Variants in NEDD1 observed in about 807,000 individuals in gnomAD.
The protein encoded by NEDD1 is NEDD1 gamma-tubulin ring complex targeting factor.
Under a neutral mutation model 74.0 loss-of-function variants are expected in NEDD1, and 33 were observed. That is an observed-to-expected ratio of 0.45 (90% confidence interval 0.34 to 0.60). The LOEUF (loss-of-function observed/expected upper bound fraction) is 0.60. Among genes scored for constraint, NEDD1 ranks in the 20% least tolerant of loss-of-function variants. The pLI, the probability that NEDD1 is intolerant of heterozygous loss-of-function variation, is 0.01. For missense variants in NEDD1, 746 were observed against 776.5 expected (o/e 0.96, Z 0.47); for synonymous variants, 250 against 264.4 (o/e 0.95, Z 0.53).
At chr12:96,923,347 TAC>T (rs1231584090) in intron 6 of NEDD1, among the ~76,000 whole-genome samples, 7 of 140,014 alleles carry the variant, frequency 5.0e-5, no homozygotes, top group South Asian at 2.2e-4. Flanking sequence ...TTTTTTAAGA[TAC>T]ATGTTTTTAT....
At position 96,940,471 on chromosome 12, in the gene NEDD1, G is replaced by A. The variant is rs760875905; in HGVS notation, c.1180G>A (p.Asp394Asn). The change falls in exon 10 of 16, where the codon GAT (aspartate) becomes AAT (asparagine). Residue 394 changes from aspartate to asparagine, a missense_variant. Physicochemically the swap from Asp to Asn is conservative, Grantham distance 23. This residue lies in a region of NEDD1 where 706 missense variants were observed against 706.7 expected (regional missense o/e 1.00). Transcript: ENST00000266742. ...GGAAACAGACAGTGGAAAAAATCAG[G>A]ATTTCTCCAGCTTTGATGATACTGG... Reference protein sequence around the residue: ...SKETDSGKNQDFSSFDDTGKS... With the variant: ...SKETDSGKNQNFSSFDDTGKS... 1.9e-6 allele frequency: 3 copies of A among 1,604,436 alleles called. No individual in the cohort carries two copies. Among genetic ancestry groups the A allele is most frequent in the Admixed American group, 1.7e-5 (1 of 59,796 alleles).
intron 9 of NEDD1, among the ~76,000 whole-genome samples, chr12:96,937,841 G>A (rs182232139): frequency 1.3e-5 from 2 of 152,160 alleles, no homozygotes; most frequent in East Asian, 3.9e-4. Flanking sequence ...TGGCGAAACA[G>A]TTCTGAAACA....
At position 96,937,220 on chromosome 12, in the gene NEDD1, C is replaced by T. The variant is rs1177295617; in HGVS notation, c.944C>T (p.Ser315Leu). ...CAGTCAAGTTTAAATAAAGGCTGTT[C>T]AAATAAGCCCACAACAGTGAACAAA... ...LTKSSLNKGC[S>L]NKPTTVNKRS... Residue 315 changes from serine to leucine, a missense_variant, in exon 9 of 16, where the codon TCA becomes TTA. Around this residue, in one of 3 missense-constraint regions of NEDD1, gnomAD observed 706 missense variants for 706.7 expected, o/e 1.00. Transcript: ENST00000266742. 6.2e-7 allele frequency: 1 copy of T among 1,600,360 alleles called. No homozygotes were observed. Among genetic ancestry groups the T allele is most frequent in the South Asian group, 1.1e-5 (1 of 89,124 alleles).
chr12:96,953,597 T>C lies in NEDD1; in HGVS notation c.*1544T>C, dbSNP rs1376743647. 6.6e-6 allele frequency: 1 copy of C among 151,800 alleles called. No individual in the cohort carries two copies. Among genetic ancestry groups the C allele is most frequent in the Non-Finnish European group, 1.5e-5 (1 of 67,794 alleles). The allele number at this position is 151,800 out of a possible 1,614,324, so 9.4% of individuals were successfully genotyped here. A position where few individuals can be genotyped will look rare whatever the true frequency, so the allele number is the denominator to read the frequency against. Reference sequence around the variant, plus strand: ...GTATATTAAAAGAGGTGGGATGAAATAATTTTAGTAATTATGTGTACAGAT... The same window carrying C: ...GTATATTAAAAGAGGTGGGATGAAACAATTTTAGTAATTATGTGTACAGAT... On this transcript the variant is annotated 3_prime_UTR_variant, in exon 16 of 16. Transcript: ENST00000266742.
intron 3 of NEDD1, among the ~76,000 whole-genome samples, chr12:96,911,267 G>GGT (rs1873891202): frequency 6.6e-6 from 1 of 151,840 alleles, no homozygotes; most frequent in Admixed American, 6.6e-5. Context: ...ATTATTTTTT[G>GGT]GTTGACTTTT....
Position 96,937,378 on chromosome 12 carries a change from G to A in NEDD1, c.1102G>A (p.Val368Ile). ...TSAMGKGTVA[V>I]QEKAGLPRSI... ...AGCTATGGGGAAAGGAACAGTTGCT[G>A]TTCAAGAAAAAGCAGGTAAATGTTG... The change falls in exon 9 of 16, where the codon GTT becomes ATT. Residue 368 changes from valine (V) to isoleucine (I), a missense_variant. Val to Ile is a conservative substitution (Grantham distance 29, BLOSUM62 3). Coordinates refer to ENST00000266742, the MANE Select transcript of NEDD1 (RefSeq NM_152905.4). The A allele has an allele frequency of 1.3e-6, 2 of 1,583,200 alleles. No individual in the cohort carries two copies. Among genetic ancestry groups the A allele is most frequent in the Non-Finnish European group, 1.7e-6 (2 of 1,165,464 alleles).
At position 96,945,816 on chromosome 12, in the gene NEDD1, A is replaced by G; in HGVS notation, c.1778A>G (p.Gln593Arg). Residue 593 changes from glutamine (Q) to arginine (R), a missense_variant, in exon 14 of 16, where the codon CAG (glutamine) becomes CGG (arginine). Transcript: ENST00000266742. ...PLTSIQIRFI[Q>R]NMIQETLDDF... ...ACTTCCATTCAAATTCGTTTTATTC[A>G]GAACATGATACAGGAAACGTTGGAT... 1 of 1,612,272 alleles carries G rather than the reference A, an allele frequency of 6.2e-7. No individual in the cohort carries two copies. Among genetic ancestry groups the G allele is most frequent in the Non-Finnish European group, 8.5e-7 (1 of 1,178,380 alleles).
At chr12:96,940,089 G>T (rs1000483132) in intron 9 of NEDD1, among the ~76,000 whole-genome samples, 1 of 152,000 alleles carries the variant, frequency 6.6e-6, no homozygotes, top group Non-Finnish European at 1.5e-5. Flanking sequence ...GAGCAGCAAA[G>T]TATATAAATT....
intron 2 of NEDD1, among the ~76,000 whole-genome samples, chr12:96,909,281 G>T (rs965364207): frequency 1.3e-5 from 2 of 152,174 alleles, no homozygotes; most frequent in African/African-American, 4.8e-5. Flanking sequence ...AGGTAAGGAA[G>T]GGACTGCGTT....
At chr12:96,922,198 A>G (rs1875174720) in intron 6 of NEDD1, among the ~76,000 whole-genome samples, 1 of 152,178 alleles carries the variant, frequency 6.6e-6, no homozygotes, top group Admixed American at 6.5e-5. Context: ...ATGGATGAAG[A>G]TAAATGATTT....
rs549822904 is a variant in NEDD1 at position 96,952,906 on chromosome 12, T to C, written c.*853T>C. 9.3e-4 allele frequency: 141 copies of C among 151,796 alleles called. No individual in the cohort carries two copies. Among genetic ancestry groups the C allele is most frequent in the African/African-American group, 3.1e-3 (130 of 41,552 alleles). The allele number at this position is 151,796 out of a possible 1,614,324, so 9.4% of individuals were successfully genotyped here. On this transcript the variant is annotated 3_prime_UTR_variant, in exon 16 of 16. Transcript: ENST00000266742. Reference sequence around the variant, plus strand: ...TCTTTTTCCAAATAAGAAGCTTGGATTATTTTATTTTGTGGTCTTTATCAT... The same window carrying C: ...TCTTTTTCCAAATAAGAAGCTTGGACTATTTTATTTTGTGGTCTTTATCAT...
At chr12:96,924,348 C>G (rs1177656745) in intron 6 of NEDD1, among the ~76,000 whole-genome samples, 1 of 152,136 alleles carries the variant, frequency 6.6e-6, no homozygotes, top group African/African-American at 2.4e-5. Context: ...CCATTTCTAA[C>G]AAAAAATCTG....
chr12:96,922,893 T>C (rs1238093451), intron 6 of NEDD1, among the ~76,000 whole-genome samples: 1 of 152,110 alleles, frequency 6.6e-6, no homozygotes. Flanking sequence ...GGCAGGCAGA[T>C]CCCTTGAGCC....
intron 4 of NEDD1, among the ~76,000 whole-genome samples, chr12:96,913,618 C>T (rs554309763): frequency 2.6e-5 from 4 of 152,170 alleles, no homozygotes; most frequent in East Asian, 3.9e-4. Flanking sequence ...ATGATCCGCC[C>T]GCCTCAGCCT....
chr12:96,908,000 C>A, intron 2 of NEDD1, 144 bp downstream of exon 2: 1 of 466,568 alleles, frequency 2.1e-6, no homozygotes, highest in Non-Finnish European at 3.1e-6. Flanking sequence ...GATCTACCCA[C>A]TACACCCCGC....
At chr12:96,924,196 C>T (rs1288550547) in intron 6 of NEDD1, among the ~76,000 whole-genome samples, 5 of 152,054 alleles carry the variant, frequency 3.3e-5, no homozygotes, top group Admixed American at 1.3e-4. Context: ...TAGTTGTAGT[C>T]GTTCTATTTT....
Position 96,937,394 on chromosome 12 carries a change from G to T in NEDD1, c.1117+1G>T, listed in dbSNP as rs750762454. 3 of 1,548,242 alleles carry T rather than the reference G, an allele frequency of 1.9e-6. No individual in the cohort carries two copies. In the Admixed American group the frequency reaches 5.7e-5, roughly 30 times the overall value. On this transcript the variant is annotated splice_donor_variant, in intron 9 of 15. Transcript: ENST00000266742. LOFTEE classifies it high-confidence loss of function. ...ACAGTTGCTGTTCAAGAAAAAGCAG[G>T]TAAATGTTGCTTATATATTGTTGGA...
At chr12:96,919,172 A>C (rs952402153) in intron 5 of NEDD1, among the ~76,000 whole-genome samples, 3 of 152,150 alleles carry the variant, frequency 2.0e-5, no homozygotes, top group African/African-American at 7.2e-5. Context: ...TTGTGAACTC[A>C]GTTTGTTTAA....
intron 2 of NEDD1, among the ~76,000 whole-genome samples, chr12:96,908,918 T>G (rs961702692): frequency 6.6e-6 from 1 of 152,146 alleles, no homozygotes; most frequent in Non-Finnish European, 1.5e-5. Context: ...GGCTCACGCC[T>G]GTGGTCCCAA....
Sources: allele counts gnomAD v4.1 joint callset (sites outside exome capture counted in the v4.1 genomes callset), GRCh38; gene constraint gnomAD v4.1.1; regional missense constraint gnomAD v4.1.1; transcripts MANE v1.5; gene names NCBI Gene and HGNC (gene_info 2026-07-23, HGNC 2026-07-21).